KDF1: variants seen among roughly 807,000 people sequenced by gnomAD.
KDF1 encodes the protein RP11-344H11.3.
Under a neutral mutation model 31.6 loss-of-function variants are expected in KDF1, and 11 were observed. The ratio of observed to expected loss-of-function variants is 0.35; its 90% CI spans 0.22 to 0.58. The LOEUF (loss-of-function observed/expected upper bound fraction) is 0.58. Among genes scored for constraint, KDF1 ranks in the 20% least tolerant of loss-of-function variants. The pLI, the probability that KDF1 is intolerant of heterozygous loss-of-function variation, is 0.83. For missense variants in KDF1, 476 were observed against 549.1 expected, an observed-to-expected ratio of 0.87 and a Z score of 1.33; for synonymous variants, 205 against 214.4, an observed-to-expected ratio of 0.96 and a Z score of 0.38.
In KDF1 at chr1:26,949,873, G is replaced by A; in HGVS notation, c.*196C>T. 1.8e-6 allele frequency: 1 copy of A among 546,326 alleles called. No homozygotes were observed. Among genetic ancestry groups the A allele is most frequent in the Non-Finnish European group, 3.3e-6 (1 of 303,152 alleles). The allele number at this position is 546,326 out of a possible 1,614,324, so 33.8% of individuals were successfully genotyped here. A position where few individuals can be genotyped will look rare whatever the true frequency, so the allele number is the denominator to read the frequency against. ...GGCCCTGGCAGGGATCAGACCAGCT[G>A]GGGATGCAAGGAGATGTAGATCCCA... On this transcript the variant is annotated 3_prime_UTR_variant, in exon 4 of 4. Transcript: ENST00000320567.
At chr1:26,957,942 G>T (rs931870459) in intron 1 of KDF1, among the ~76,000 whole-genome samples, 1 of 151,762 alleles carries the variant, frequency 6.6e-6, no homozygotes, top group African/African-American at 2.4e-5. Flanking sequence ...AGCCTCCTGA[G>T]TAGCTGGAAT....
intron 1 of KDF1, among the ~76,000 whole-genome samples, chr1:26,955,909 C>T (rs561086885): frequency 6.6e-6 from 1 of 152,188 alleles, no homozygotes; most frequent in East Asian, 1.9e-4. Flanking sequence ...GAGCCCAGAT[C>T]GCACCACTGC....
At position 26,949,995 on chromosome 1, in the gene KDF1, G is replaced by T. The variant is rs930190135; in HGVS notation, c.*74C>A. ...TCAGGTCTAAGCCTCTCCCACAGGG[G>T]TTCCTGGTCCCCCTCTTCATTCTGT... On this transcript the variant is annotated 3_prime_UTR_variant, in exon 4 of 4. Coordinates refer to ENST00000320567, the MANE Select transcript of KDF1 (RefSeq NM_152365.3). The T allele has an allele frequency of 2.7e-6, 4 of 1,485,422 alleles. No homozygotes were observed. In the African/African-American group the frequency reaches 5.5e-5, roughly 21 times the overall value. 92.0% of individuals were successfully genotyped at this position (1,485,422 alleles called of 1,614,324 possible). A position where few individuals can be genotyped will look rare whatever the true frequency, so the allele number is the denominator to read the frequency against.
At chr1:26,959,976 G>A (rs906981052) in intron 1 of KDF1, among the ~76,000 whole-genome samples, 18 of 152,152 alleles carry the variant, frequency 1.2e-4, no homozygotes, top group African/African-American at 4.1e-4. Flanking sequence ...CTCTGCCCTC[G>A]GGGCGAGCAC....
chr1:26,954,658 T>A (rs1357602363), intron 1 of KDF1, among the ~76,000 whole-genome samples: 2 of 150,156 alleles, frequency 1.3e-5, no homozygotes, highest in East Asian at 2.1e-4. Context: ...CATGGTGAAA[T>A]CCTGTCTTTA....
chr1:26,951,260 G>T lies in KDF1; in HGVS notation c.1039+82C>A. The T allele has an allele frequency of 1.5e-6, 2 of 1,338,576 alleles. No individual in the cohort carries two copies. Among genetic ancestry groups the T allele is most frequent in the Non-Finnish European group, 2.0e-6 (2 of 1,003,678 alleles). 82.9% of individuals were successfully genotyped at this position (1,338,576 alleles called of 1,614,324 possible). A position where few individuals can be genotyped will look rare whatever the true frequency, so the allele number is the denominator to read the frequency against. On this transcript the variant is annotated intron_variant, in intron 2 of 3. Transcript: ENST00000320567. The surrounding 1 kb of genome is among the most constrained non-coding windows in gnomAD (Gnocchi z 5.4). The stretch of plus-strand genomic sequence containing the variant: ...GGACTGGCTGAGGGGTAGACCCACA[G>T]TGACTAAAGACCCCATTCCAACCCT...
At chr1:26,955,939 A>T (rs1444584369) in intron 1 of KDF1, among the ~76,000 whole-genome samples, 1 of 152,184 alleles carries the variant, frequency 6.6e-6, no homozygotes, top group Non-Finnish European at 1.5e-5. Flanking sequence ...TATGCAACAG[A>T]GTGAGACTCC....
chr1:26,954,934 C>G (rs1188637542), intron 1 of KDF1, among the ~76,000 whole-genome samples: 1 of 150,384 alleles, frequency 6.6e-6, no homozygotes, highest in Non-Finnish European at 1.5e-5. Context: ...TCTCGGCTCA[C>G]TGCAACCTCT....
rs1570753785 is a variant in KDF1, at chr1:26,950,817, A to C, written c.1040-61T>G. 1 of 1,479,426 alleles carries C rather than the reference A, an allele frequency of 6.8e-7. No homozygotes were observed. Among genetic ancestry groups the C allele is most frequent in the South Asian group, 1.1e-5 (1 of 88,122 alleles). The allele number at this position is 1,479,426 out of a possible 1,614,324, so 91.6% of individuals were successfully genotyped here. ...GCACGTTCTTTCAACCCTATTTCCT[A>C]CTTCTGTTCCCAGCCCGATGAGGGA... On this transcript the variant is annotated intron_variant, in intron 2 of 3. Coordinates refer to ENST00000320567, the MANE Select transcript of KDF1 (RefSeq NM_152365.3). The surrounding 1 kb of genome is among the most constrained non-coding windows in gnomAD (Gnocchi z 4.0).
In KDF1 at chr1:26,953,781, C is replaced by T. The variant is rs144285812; in HGVS notation, c.-32-1369G>A. 3.4e-3 allele frequency among the ~76,000 whole-genome samples: 523 copies of T among 152,088 alleles called. 4 individuals are homozygous for T. The highest frequency in any genetic ancestry group is 0.012 in the African/African-American group (495 of 41,466). ...ACCAGCCTGGCCAACATGGTGAAAG[C>T]CCATCCCTACTGAAAATACAAAAAT... On this transcript the variant is annotated intron_variant, in intron 1 of 3. Coordinates refer to ENST00000320567, the MANE Select transcript of KDF1 (RefSeq NM_152365.3).
intron 1 of KDF1, among the ~76,000 whole-genome samples, chr1:26,959,327 G>A (rs1400775980): frequency 1.3e-5 from 2 of 151,930 alleles, no homozygotes; most frequent in Admixed American, 6.6e-5. Flanking sequence ...GTATCTCCCC[G>A]ACCCTGCTGC....
rs2082356640 is a variant in KDF1 at position 26,952,366 on chromosome 1, T to C, written c.15A>G (p.Gly5=). The C allele has an allele frequency of 6.6e-7, 1 of 1,508,980 alleles. No individual in the cohort carries two copies. The highest frequency in any genetic ancestry group is 1.4e-5 in the African/African-American group (1 of 71,664). 93.5% of individuals were successfully genotyped at this position (1,508,980 alleles called of 1,614,324 possible). MPRP[G]HPRPASGPPR... ...GAGGCCCAGATGCTGGGCGGGGGTG[T>C]CCAGGGCGGGGCATGGCTCATTGCA... Residue 5 remains glycine (G), a synonymous_variant, in exon 2 of 4, where the codon GGA becomes GGG. Coordinates refer to ENST00000320567, the MANE Select transcript of KDF1 (RefSeq NM_152365.3). The surrounding 1 kb of genome is among the most constrained non-coding windows in gnomAD (Gnocchi z 4.1).
Position 26,952,551 on chromosome 1 carries a change from C to T in KDF1, c.-32-139G>A, listed in dbSNP as rs2082357623. The T allele has an allele frequency of 3.4e-6, 2 of 582,524 alleles. No homozygotes were observed. The highest frequency in any genetic ancestry group is 5.5e-6 in the Non-Finnish European group (2 of 365,404). 36.1% of individuals were successfully genotyped at this position (582,524 alleles called of 1,614,324 possible). On this transcript the variant is annotated intron_variant, in intron 1 of 3. Coordinates refer to ENST00000320567, the MANE Select transcript of KDF1 (RefSeq NM_152365.3). This position sits in a 1 kb window ranked among gnomAD's most constrained non-coding sequence, Gnocchi z 4.1. ...CCCAAGTATGCCCAAAAACCCTTGCCTGGGATGTGGATGGACCCAAGTATG... is the reference window on the plus strand; with the variant it reads ...CCCAAGTATGCCCAAAAACCCTTGCTTGGGATGTGGATGGACCCAAGTATG...
intron 1 of KDF1, among the ~76,000 whole-genome samples, chr1:26,955,338 T>TCC (rs1451081391): frequency 6.6e-6 from 1 of 152,196 alleles, no homozygotes; most frequent in African/African-American, 2.4e-5. Flanking sequence ...AATACCTTTT[T>TCC]CCCTCTCCTG....
intron 1 of KDF1, among the ~76,000 whole-genome samples, chr1:26,956,893 T>C (rs540317301): frequency 1.7e-3 from 264 of 152,198 alleles, no homozygotes; most frequent in African/African-American, 6.0e-3. Context: ...TTGCCCATGG[T>C]AAATGGGGAT....
rs2082357500 is a variant in KDF1, at chr1:26,952,523, G to A, written c.-32-111C>T. On this transcript the variant is annotated intron_variant, in intron 1 of 3. Coordinates refer to ENST00000320567, the MANE Select transcript of KDF1 (RefSeq NM_152365.3). The surrounding 1 kb of genome is among the most constrained non-coding windows in gnomAD (Gnocchi z 4.1). Reference sequence around the variant, plus strand: ...TTTCTGAGAGGCCTGGGATGTGGATGGACCCAAGTATGCCCAAAAACCCTT... The same window carrying A: ...TTTCTGAGAGGCCTGGGATGTGGATAGACCCAAGTATGCCCAAAAACCCTT... 1.2e-6 allele frequency: 1 copy of A among 810,286 alleles called. No homozygotes were observed. Among genetic ancestry groups the A allele is most frequent in the Non-Finnish European group, 1.8e-6 (1 of 552,040 alleles). The allele number at this position is 810,286 out of a possible 1,614,324, so 50.2% of individuals were successfully genotyped here.
rs1251018251 is a variant in KDF1 at position 26,950,660 on chromosome 1, C to T, written c.1114+22G>A. ...AGGGTAGTCCCCCACCCTCCACACC[C>T]CTCATTAGGTCAAGACCACACCTGG... On this transcript the variant is annotated intron_variant, in intron 3 of 3. Transcript: ENST00000320567. This position sits in a 1 kb window ranked among gnomAD's most constrained non-coding sequence, Gnocchi z 4.0. 1.2e-6 allele frequency: 2 copies of T among 1,609,432 alleles called. No individual in the cohort carries two copies. Among genetic ancestry groups the T allele is most frequent in the South Asian group, 1.1e-5 (1 of 91,000 alleles).
chr1:26,957,606 G>A (rs2082382757), intron 1 of KDF1, among the ~76,000 whole-genome samples: 1 of 152,126 alleles, frequency 6.6e-6, no homozygotes, highest in African/African-American at 2.4e-5. Context: ...AGTATGGATG[G>A]GGGATAGGAG....
Position 26,950,358 on chromosome 1 carries a change from G to C in KDF1, c.1115-207C>G, listed in dbSNP as rs1355197066. ...AAAAGGATAATGATTCCACTCCCAG[G>C]GGGTTGTTGTCAAGGGCAAGAAGAC... On this transcript the variant is annotated intron_variant, in intron 3 of 3. Coordinates refer to ENST00000320567, the MANE Select transcript of KDF1 (RefSeq NM_152365.3). The surrounding 1 kb of genome is among the most constrained non-coding windows in gnomAD (Gnocchi z 4.0). 6.6e-6 allele frequency among the ~76,000 whole-genome samples: 1 copy of C among 152,148 alleles called. No homozygotes were observed. The highest frequency in any genetic ancestry group is 1.5e-5 in the Non-Finnish European group (1 of 68,034).
Sources: gnomAD v4.1 joint callset for allele counts (sites outside exome capture counted in the v4.1 genomes callset) on GRCh38, gnomAD v4.1.1 for gene constraint, Gnocchi (gnomAD v3.1) non-coding constraint, MANE v1.5 for transcripts, NCBI Gene and HGNC (gene_info 2026-07-23, HGNC 2026-07-21) for gene names.